AGBL4: variants seen among roughly 807,000 people sequenced by gnomAD.
The protein encoded by AGBL4 is AGBL carboxypeptidase 4.
AGBL4 carries 58 observed loss-of-function variants against 66.4 expected under a neutral mutation model. The observed-to-expected ratio is 0.87, with a 90% CI of 0.71 to 1.09. The LOEUF is 1.09. Ranked by LOEUF, AGBL4 falls within the 50% of genes least tolerant of loss-of-function variation. The pLI is 0.00. For missense variants in AGBL4, 579 were observed against 631.0 expected, an observed-to-expected ratio of 0.92 and a Z score of 0.88; for synonymous variants, 234 against 222.9, an observed-to-expected ratio of 1.05 and a Z score of -0.44.
intron 6 of AGBL4, among the ~76,000 whole-genome samples, chr1:48,707,618 C>G (rs892030100): frequency 6.6e-6 from 1 of 152,158 alleles, no homozygotes; most frequent in African/African-American, 2.4e-5. Flanking sequence ...AGAAAAACTC[C>G]CAGAGGCTCA....
intron 3 of AGBL4, among the ~76,000 whole-genome samples, chr1:49,655,192 A>G (rs1418550879): frequency 1.3e-5 from 2 of 152,100 alleles, no homozygotes; most frequent in Non-Finnish European, 2.9e-5. Flanking sequence ...CTTCACTTTT[A>G]TGAAGCTTAG....
intron 6 of AGBL4, among the ~76,000 whole-genome samples, chr1:48,803,259 C>A (rs997472223): frequency 6.6e-6 from 1 of 152,192 alleles, no homozygotes; most frequent in African/African-American, 2.4e-5. Flanking sequence ...TAGGCAGGGG[C>A]TGTTATCCAG....
At chr1:49,685,764 T>G (rs1646776979) in intron 3 of AGBL4, among the ~76,000 whole-genome samples, 1 of 152,194 alleles carries the variant, frequency 6.6e-6, no homozygotes, top group Non-Finnish European at 1.5e-5. Flanking sequence ...GCTTGTTGAT[T>G]TGTTTAAGTT....
At chr1:50,014,192 G>A (rs1198947726) in intron 1 of AGBL4, among the ~76,000 whole-genome samples, 1 of 151,938 alleles carries the variant, frequency 6.6e-6, no homozygotes, top group African/African-American at 2.4e-5. Context: ...CCAACACGGT[G>A]AAACCCTGTC....
chr1:49,156,735 C>T (rs1228805695), intron 4 of AGBL4, among the ~76,000 whole-genome samples: 2 of 152,108 alleles, frequency 1.3e-5, no homozygotes, highest in African/African-American at 4.8e-5. Flanking sequence ...ATAACCTTAT[C>T]GATTAATATA....
intron 6 of AGBL4, among the ~76,000 whole-genome samples, chr1:48,849,635 T>C (rs1006211304): frequency 1.3e-5 from 2 of 152,216 alleles, no homozygotes; most frequent in Non-Finnish European, 2.9e-5. Context: ...ATGACAATCA[T>C]ACTAGTCACC....
At chr1:49,921,297 A>T (rs901198359) in intron 1 of AGBL4, among the ~76,000 whole-genome samples, 1 of 152,196 alleles carries the variant, frequency 6.6e-6, no homozygotes, top group Non-Finnish European at 1.5e-5. Context: ...AACAAATTAA[A>T]AAAGGGTCTT....
chr1:49,778,355 C>T (rs1462507235), intron 2 of AGBL4, among the ~76,000 whole-genome samples: 2 of 152,132 alleles, frequency 1.3e-5, no homozygotes, highest in Non-Finnish European at 2.9e-5. Flanking sequence ...AGATTCTACC[C>T]AGGGAGAAAA....
chr1:48,664,136 G>GA (rs1166404533), intron 6 of AGBL4, among the ~76,000 whole-genome samples: 1 of 152,160 alleles, frequency 6.6e-6, no homozygotes, highest in East Asian at 1.9e-4. Context: ...GGGGTATCCT[G>GA]AGCAAAGCAA....
intron 5 of AGBL4, among the ~76,000 whole-genome samples, chr1:48,992,638 A>G (rs1227969372): frequency 3.3e-5 from 5 of 152,036 alleles, no homozygotes; most frequent in African/African-American, 9.7e-5. Flanking sequence ...GGAGTTGGAT[A>G]TCTTAGAAAT....
intron 1 of AGBL4, 32 bp downstream of exon 1, chr1:50,023,731 C>G (rs1262534769): frequency 6.5e-7 from 1 of 1,543,878 alleles, no homozygotes. Flanking sequence ...CTGGCCGCCT[C>G]AGCCTTCCCC....
intron 5 of AGBL4, among the ~76,000 whole-genome samples, chr1:48,922,267 T>C (rs1024007309): frequency 2.0e-5 from 3 of 152,192 alleles, no homozygotes; most frequent in Non-Finnish European, 4.4e-5. Flanking sequence ...GAAAGGTGGC[T>C]CATGACAAAG....
chr1:49,513,010 T>C (rs1649419156), intron 3 of AGBL4, among the ~76,000 whole-genome samples: 1 of 152,016 alleles, frequency 6.6e-6, no homozygotes, highest in Non-Finnish European at 1.5e-5. Flanking sequence ...TGACCAGGAA[T>C]AACTATCCCC....
chr1:49,666,341 G>A (rs1646367194), intron 3 of AGBL4, among the ~76,000 whole-genome samples: 1 of 152,096 alleles, frequency 6.6e-6, no homozygotes, highest in Non-Finnish European at 1.5e-5. Flanking sequence ...CAAGCGGGTG[G>A]ATCATTTGAG....
chr1:49,099,151 T>C (rs991676882), intron 4 of AGBL4, among the ~76,000 whole-genome samples: 1 of 152,086 alleles, frequency 6.6e-6, no homozygotes, highest in Non-Finnish European at 1.5e-5. Flanking sequence ...CCCACTAAGC[T>C]TGAAGTAAGA....
intron 3 of AGBL4, among the ~76,000 whole-genome samples, chr1:49,575,211 T>C (rs1644412172): frequency 6.6e-6 from 1 of 152,206 alleles, no homozygotes; most frequent in Non-Finnish European, 1.5e-5. Flanking sequence ...ATCATTGTCA[T>C]CCTCCAGTTA....
chr1:48,627,276 G>T (rs1645518526), intron 9 of AGBL4, among the ~76,000 whole-genome samples: 1 of 152,200 alleles, frequency 6.6e-6, no homozygotes. Flanking sequence ...TCTCCTTGGT[G>T]TAATTATGTA....
intron 3 of AGBL4, among the ~76,000 whole-genome samples, chr1:49,441,751 G>A (rs1646036018): frequency 6.6e-6 from 1 of 152,328 alleles, no homozygotes; most frequent in East Asian, 1.9e-4. Context: ...GGGGCCAAGT[G>A]CTTACCAACA....
At chr1:49,497,523 A>G (rs1343642835) in intron 3 of AGBL4, among the ~76,000 whole-genome samples, 11 of 151,978 alleles carry the variant, frequency 7.2e-5, no homozygotes, top group African/African-American at 2.4e-5. Flanking sequence ...TTCAAGTCGT[A>G]TATTTAAGTT....
Sources: allele counts gnomAD v4.1 joint callset (sites outside exome capture counted in the v4.1 genomes callset), GRCh38; gene constraint gnomAD v4.1.1; transcripts MANE v1.5; gene names NCBI Gene and HGNC (gene_info 2026-07-23, HGNC 2026-07-21).